NKX2-4: variants seen among roughly 807,000 people sequenced by gnomAD.
NKX2-4 encodes the protein homeobox protein Nkx-2.4.
NKX2-4 carries 6 observed loss-of-function variants against 8.6 expected under a neutral mutation model. The ratio of observed to expected loss-of-function variants is 0.70; its 90% CI spans 0.38 to 1.38. The LOEUF (loss-of-function observed/expected upper bound fraction) is 1.38, where lower values mean the gene tolerates loss of function less well. NKX2-4 is among the 40% of genes most tolerant of loss of function. The probability of loss-of-function intolerance (pLI) is 0.02; values close to 1 mark genes in which losing one functional copy is unlikely to be tolerated. For missense variants in NKX2-4, 601 were observed against 548.4 expected (o/e 1.10, Z -0.96); for synonymous variants, 299 against 272.6 (o/e 1.10, Z -0.95).
chr20:21,396,906 T>C (rs1423357897), intron 1 of NKX2-4, 52 bp downstream of exon 1: 13 of 1,306,574 alleles, frequency 9.9e-6, no homozygotes, highest in South Asian at 2.1e-5. Context: ...CCCTCGGCTG[T>C]GGCGGGAAAC....
rs1004304488 is a variant in NKX2-4 at position 21,397,130 on chromosome 20, G to GGCCGCC, written c.264_269dup (p.Ala90_Ala91dup). 3 of 1,283,556 alleles carry GGCCGCC rather than the reference G, an allele frequency of 2.3e-6. No individual in the cohort carries two copies. Among genetic ancestry groups the GGCCGCC allele is most frequent in the African/African-American group, 1.6e-5 (1 of 64,002 alleles). 79.5% of individuals were successfully genotyped at this position (1,283,556 alleles called of 1,614,324 possible). ...CGCCGGGCGGCATGTGGTAGGTGGC[G>GGCCGCC]GCCGCCGCCGCCGCAGCTGCTGCCG... On this transcript the variant is annotated inframe_insertion, in exon 1 of 2. Coordinates refer to ENST00000351817, the MANE Select transcript of NKX2-4 (RefSeq NM_033176.2).
chr20:21,396,978 G>A lies in NKX2-4; in HGVS notation c.422C>T (p.Pro141Leu). 1 of 1,476,512 alleles carries A rather than the reference G, an allele frequency of 6.8e-7. No individual in the cohort carries two copies. Among genetic ancestry groups the A allele is most frequent in the South Asian group, 1.3e-5 (1 of 78,524 alleles). 91.5% of individuals were successfully genotyped at this position (1,476,512 alleles called of 1,614,324 possible). Residue 141 changes from proline (P) to leucine (L), a missense_variant, in exon 1 of 2, where the codon CCG becomes CTG. Pro to Leu is a moderately conservative substitution (Grantham distance 98). Coordinates refer to ENST00000351817, the MANE Select transcript of NKX2-4 (RefSeq NM_033176.2). Reference sequence around the variant, plus strand: ...CTCACTTGACGAGTAGCGTGGGTCCGGGTTGGCGCCGTACCAGCCGGTGGC... The same window carrying A: ...CTCACTTGACGAGTAGCGTGGGTCCAGGTTGGCGCCGTACCAGCCGGTGGC... ...GAATGWYGANPDPRYSSISRF... is the reference protein window; with the variant it reads ...GAATGWYGANLDPRYSSISRF...
At position 21,397,432 on chromosome 20, in the gene NKX2-4, G is replaced by A. The variant is rs753254137; in HGVS notation, c.-33C>T. ...CGGGCAGCCAGGTAGGGGGGCCTGG[G>A]GCGCGCGCCGGCAGGACGCGGCGGC... is the stretch of plus-strand genomic sequence containing the variant. On this transcript the variant is annotated 5_prime_UTR_variant, in exon 1 of 2. Coordinates refer to ENST00000351817, the MANE Select transcript of NKX2-4 (RefSeq NM_033176.2). 7.7e-7 allele frequency: 1 copy of A among 1,296,136 alleles called. No individual in the cohort carries two copies. Among genetic ancestry groups the A allele is most frequent in the South Asian group, 2.5e-5 (1 of 40,440 alleles). The allele number at this position is 1,296,136 out of a possible 1,614,324, so 80.3% of individuals were successfully genotyped here. A position where few individuals can be genotyped will look rare whatever the true frequency, so the allele number is the denominator to read the frequency against.
In NKX2-4 at chr20:21,395,959, G is replaced by A. The variant is rs554235844; in HGVS notation, c.1017C>T (p.Tyr339=). The A allele has an allele frequency of 8.4e-5, 112 of 1,327,296 alleles. No homozygotes were observed. Among genetic ancestry groups the A allele is most frequent in the Admixed American group, 1.7e-4 (6 of 34,358 alleles). 82.2% of individuals were successfully genotyped at this position (1,327,296 alleles called of 1,614,324 possible). The part of the protein sequence containing the change: ...LAALDAAAGE[Y]SGGVLGANLL... ...GGTTGGCGCCCAGGACGCCGCCGCT[G>A]TACTCCCCGGCGGCCGCGTCCAGGG... Residue 339 remains tyrosine (Y), a synonymous_variant, in exon 2 of 2, where the codon TAC becomes TAT. Transcript: ENST00000351817.
chr20:21,396,550 A>T lies in NKX2-4; in HGVS notation c.443-17T>A. 1.0e-5 allele frequency: 14 copies of T among 1,389,108 alleles called. No individual in the cohort carries two copies. The highest frequency in any genetic ancestry group is 1.2e-5 in the Non-Finnish European group (13 of 1,082,714). 86.0% of individuals were successfully genotyped at this position (1,389,108 alleles called of 1,614,324 possible). A position where few individuals can be genotyped will look rare whatever the true frequency, so the allele number is the denominator to read the frequency against. On this transcript the variant is annotated splice_polypyrimidine_tract_variant and intron_variant, in intron 1 of 1. Coordinates refer to ENST00000351817, the MANE Select transcript of NKX2-4 (RefSeq NM_033176.2). ...ACCTGGAGACTGGGGAAGAGTCCCAAGGGGGAAGGCGAGTGAGCTCCAGGC... is the reference window on the plus strand; with the variant it reads ...ACCTGGAGACTGGGGAAGAGTCCCATGGGGGAAGGCGAGTGAGCTCCAGGC...
Position 21,396,997 on chromosome 20 carries a change from C to T in NKX2-4, c.403G>A (p.Gly135Ser), listed in dbSNP as rs2039031436. ...TDGMRGGAAT[G>S]WYGANPDPRY... ...GGGTCCGGGTTGGCGCCGTACCAGCCGGTGGCCGCGCCGCCCCGCATGCCG... is the reference window on the plus strand; with the variant it reads ...GGGTCCGGGTTGGCGCCGTACCAGCTGGTGGCCGCGCCGCCCCGCATGCCG... Residue 135 changes from glycine (G) to serine (S), a missense_variant, in exon 1 of 2, where the codon GGC becomes AGC. Gly to Ser is a moderately conservative substitution (Grantham distance 56). Coordinates refer to ENST00000351817, the MANE Select transcript of NKX2-4 (RefSeq NM_033176.2). The T allele has an allele frequency of 6.8e-7, 1 of 1,478,658 alleles. No homozygotes were observed. Among genetic ancestry groups the T allele is most frequent in the Non-Finnish European group, 8.9e-7 (1 of 1,118,668 alleles). 91.6% of individuals were successfully genotyped at this position (1,478,658 alleles called of 1,614,324 possible). A position where few individuals can be genotyped will look rare whatever the true frequency, so the allele number is the denominator to read the frequency against.
At position 21,396,340 on chromosome 20, in the gene NKX2-4, C is replaced by T; in HGVS notation, c.636G>A (p.Lys212=). 1 of 1,601,884 alleles carries T rather than the reference C, an allele frequency of 6.2e-7. No homozygotes were observed. The highest frequency in any genetic ancestry group is 8.5e-7 in the Non-Finnish European group (1 of 1,175,880). ...GCTCGCGCTCGGGCGCCGACAGGTACTTCTGCTGCTTGAAGCGCCGCTCCA... is the reference window on the plus strand; with the variant it reads ...GCTCGCGCTCGGGCGCCGACAGGTATTTCTGCTGCTTGAAGCGCCGCTCCA... The part of the protein sequence containing the change: ...YELERRFKQQ[K]YLSAPEREHL... The change falls in exon 2 of 2, where the codon AAG becomes AAA. Residue 212 remains lysine, a synonymous_variant. Transcript: ENST00000351817.
In NKX2-4 at chr20:21,397,070, G is replaced by A; in HGVS notation, c.330C>T (p.Tyr110=). 2.1e-6 allele frequency: 3 copies of A among 1,428,384 alleles called. No individual in the cohort carries two copies. Among genetic ancestry groups the A allele is most frequent in the Admixed American group, 2.5e-5 (1 of 40,052 alleles). 88.5% of individuals were successfully genotyped at this position (1,428,384 alleles called of 1,614,324 possible). A position where few individuals can be genotyped will look rare whatever the true frequency, so the allele number is the denominator to read the frequency against. ...SQFPHGAMGS[Y]CNGGLGNMGE... Reference sequence around the variant, plus strand: ...CCATGTTGCCCAGGCCGCCGTTGCAGTAGCTGCCCATGGCGCCGTGCGGGA... The same window carrying A: ...CCATGTTGCCCAGGCCGCCGTTGCAATAGCTGCCCATGGCGCCGTGCGGGA... The change falls in exon 1 of 2, where the codon TAC becomes TAT. Residue 110 remains tyrosine, a synonymous_variant. Coordinates refer to ENST00000351817, the MANE Select transcript of NKX2-4 (RefSeq NM_033176.2).
rs2039007510 is a variant in NKX2-4, at chr20:21,395,376, T to C, written c.*535A>G. 1 of 152,224 alleles carries C rather than the reference T, an allele frequency of 6.6e-6. No homozygotes were observed. The highest frequency in any genetic ancestry group is 2.1e-4 in the South Asian group (1 of 4,830). 9.4% of individuals were successfully genotyped at this position (152,224 alleles called of 1,614,324 possible). On this transcript the variant is annotated 3_prime_UTR_variant, in exon 2 of 2. Coordinates refer to ENST00000351817, the MANE Select transcript of NKX2-4 (RefSeq NM_033176.2). ...CCATATAATCAGTATTTTATTTTGA[T>C]TCCATTGCTCTATTACCTAAATGGC...
Position 21,397,247 on chromosome 20 carries a change from C to A in NKX2-4, c.153G>T (p.Pro51=). The A allele has an allele frequency of 1.6e-6, 2 of 1,237,322 alleles. No individual in the cohort carries two copies. The highest frequency in any genetic ancestry group is 3.5e-5 in the South Asian group (1 of 28,744). The allele number at this position is 1,237,322 out of a possible 1,614,324, so 76.6% of individuals were successfully genotyped here. A position where few individuals can be genotyped will look rare whatever the true frequency, so the allele number is the denominator to read the frequency against. Residue 51 remains proline (P), a synonymous_variant, in exon 1 of 2, where the codon CCG becomes CCT. Coordinates refer to ENST00000351817, the MANE Select transcript of NKX2-4 (RefSeq NM_033176.2). ...PLGAAAAYRA[P]PPGPSSQAAT... Reference sequence around the variant, plus strand: ...CCGCCTGCGAGGAGGGCCCAGGTGGCGGCGCGCGGTAGGCGGCCGCGGCCC... The same window carrying A: ...CCGCCTGCGAGGAGGGCCCAGGTGGAGGCGCGCGGTAGGCGGCCGCGGCCC...
Position 21,396,155 on chromosome 20 carries a change from C to A in NKX2-4, c.821G>T (p.Arg274Leu), listed in dbSNP as rs756919817. 79 of 1,472,888 alleles carry A rather than the reference C, an allele frequency of 5.4e-5. No individual in the cohort carries two copies. In the Admixed American group the frequency reaches 1.5e-3, roughly 27 times the overall value. 91.2% of individuals were successfully genotyped at this position (1,472,888 alleles called of 1,614,324 possible). ...CTTGACCAGCACAGGCACCGCCACG[C>A]GGCGCGGGGACGGCGGCGGAGGCGG... is the stretch of plus-strand genomic sequence containing the variant. ...PPPPPPPSPR[R>L]VAVPVLVKDG... Residue 274 changes from arginine to leucine, a missense_variant, in exon 2 of 2, where the codon CGC becomes CTC. By Grantham distance (102) the Arg-to-Leu change is moderately radical (BLOSUM62 -2). Transcript: ENST00000351817.
Position 21,397,321 on chromosome 20 carries a change from A to G in NKX2-4, c.79T>C (p.Phe27Leu). The change falls in exon 1 of 2, where the codon TTC becomes CTC. Residue 27 changes from phenylalanine (F) to leucine (L), a missense_variant. Physicochemically the swap from Phe to Leu is conservative, Grantham distance 22. Coordinates refer to ENST00000351817, the MANE Select transcript of NKX2-4 (RefSeq NM_033176.2). ...GGCGCGCCGTCCATGGCGCCGCTGA[A>G]CTTCTTGTAGGTCTCCTCGATGGGG... ...LSPIEETYKK[F>L]SGAMDGAPPG... 1 of 1,397,396 alleles carries G rather than the reference A, an allele frequency of 7.2e-7. No individual in the cohort carries two copies. The highest frequency in any genetic ancestry group is 9.3e-7 in the Non-Finnish European group (1 of 1,074,882). The allele number at this position is 1,397,396 out of a possible 1,614,324, so 86.6% of individuals were successfully genotyped here.
At chr20:21,396,878 C>G in intron 1 of NKX2-4, 80 bp downstream of exon 1, 5 of 1,203,710 alleles carry the variant, frequency 4.2e-6, no homozygotes, top group Non-Finnish European at 5.3e-6. Context: ...GCGCGCACCC[C>G]GTCCCGCGCC....
Position 21,395,880 on chromosome 20 carries a change from A to G in NKX2-4, c.*31T>C, listed in dbSNP as rs777550836. ...AGTTTCTTGCAGACCCTTCGGGTGCACCAGGACCTAGCCCCGGGGCGCCCT... is the reference window on the plus strand; with the variant it reads ...AGTTTCTTGCAGACCCTTCGGGTGCGCCAGGACCTAGCCCCGGGGCGCCCT... On this transcript the variant is annotated 3_prime_UTR_variant, in exon 2 of 2. Transcript: ENST00000351817. 2 of 1,304,424 alleles carry G rather than the reference A, an allele frequency of 1.5e-6. No individual in the cohort carries two copies. Among genetic ancestry groups the G allele is most frequent in the Admixed American group, 6.1e-5 (2 of 32,664 alleles). The allele number at this position is 1,304,424 out of a possible 1,614,324, so 80.8% of individuals were successfully genotyped here.
In NKX2-4 at chr20:21,397,094, G is replaced by A. The variant is rs752938052; in HGVS notation, c.306C>T (p.Phe102=). 1.4e-5 allele frequency: 20 copies of A among 1,389,054 alleles called. No homozygotes were observed. Among genetic ancestry groups the A allele is most frequent in the South Asian group, 6.3e-5 (4 of 63,708 alleles). The allele number at this position is 1,389,054 out of a possible 1,614,324, so 86.0% of individuals were successfully genotyped here. A position where few individuals can be genotyped will look rare whatever the true frequency, so the allele number is the denominator to read the frequency against. The change falls in exon 1 of 2, where the codon TTC becomes TTT. Residue 102 remains phenylalanine, a synonymous_variant. Coordinates refer to ENST00000351817, the MANE Select transcript of NKX2-4 (RefSeq NM_033176.2). ...TYHMPPGVSQ[F]PHGAMGSYCN... is the part of the protein sequence containing the mutation. ...AGTAGCTGCCCATGGCGCCGTGCGG[G>A]AACTGCGAGACGCCGGGCGGCATGT... is the stretch of plus-strand genomic sequence containing the variant.
Position 21,396,175 on chromosome 20 carries a change from A to AGGCGGC in NKX2-4, c.795_800dup (p.Pro269_Pro270dup), listed in dbSNP as rs752830472. The AGGCGGC allele has an allele frequency of 3.3e-6, 5 of 1,499,868 alleles. No individual in the cohort carries two copies. Among genetic ancestry groups the AGGCGGC allele is most frequent in the Non-Finnish European group, 1.8e-6 (2 of 1,128,912 alleles). 92.9% of individuals were successfully genotyped at this position (1,499,868 alleles called of 1,614,324 possible). On this transcript the variant is annotated inframe_insertion, in exon 2 of 2. Transcript: ENST00000351817. ...CCACGCGGCGCGGGGACGGCGGCGG[A>AGGCGGC]GGCGGCGGCGGGCCCAGGCCGCCCT...
rs2039033674 is a variant in NKX2-4, at chr20:21,397,133, C to G, written c.267G>C (p.Ala89=). 3 of 1,273,844 alleles carry G rather than the reference C, an allele frequency of 2.4e-6. No homozygotes were observed. Among genetic ancestry groups the G allele is most frequent in the Non-Finnish European group, 9.8e-7 (1 of 1,015,918 alleles). The allele number at this position is 1,273,844 out of a possible 1,614,324, so 78.9% of individuals were successfully genotyped here. A position where few individuals can be genotyped will look rare whatever the true frequency, so the allele number is the denominator to read the frequency against. ...AAAAAAAAAA[A]AATYHMPPGV... ...CGGGCGGCATGTGGTAGGTGGCGGC[C>G]GCCGCCGCCGCAGCTGCTGCCGCCG... Residue 89 remains alanine, a synonymous_variant, in exon 1 of 2, where the codon GCG becomes GCC. Transcript: ENST00000351817.
rs1427421352 is a variant in NKX2-4, at chr20:21,397,160, CGCCGCG to C, written c.234_239del (p.Ala90_Ala91del). On this transcript the variant is annotated inframe_deletion, in exon 1 of 2. Coordinates refer to ENST00000351817, the MANE Select transcript of NKX2-4 (RefSeq NM_033176.2). ...CCGCCGCCGCAGCTGCTGCCGCCGC[CGCCGCG>C]GCCGCCGCGTTGTGACCCGCCATGG... is the stretch of plus-strand genomic sequence containing the variant. The C allele has an allele frequency of 8.7e-6, 11 of 1,262,538 alleles. No individual in the cohort carries two copies. The highest frequency in any genetic ancestry group is 6.7e-5 in the East Asian group (2 of 29,834). 78.2% of individuals were successfully genotyped at this position (1,262,538 alleles called of 1,614,324 possible).
chr20:21,395,688 C>A lies in NKX2-4; in HGVS notation c.*223G>T, dbSNP rs2039009314. On this transcript the variant is annotated 3_prime_UTR_variant, in exon 2 of 2. Transcript: ENST00000351817. ...AACTTCTAGGAGGAGAAAATCACCA[C>A]CTCAAAGCCTCGTGGCATAATGTTA... 2.8e-6 allele frequency: 1 copy of A among 359,130 alleles called. No individual in the cohort carries two copies. Among genetic ancestry groups the A allele is most frequent in the East Asian group, 4.2e-5 (1 of 23,932 alleles). 22.2% of individuals were successfully genotyped at this position (359,130 alleles called of 1,614,324 possible).
Sources: gnomAD v4.1 joint callset for allele counts on GRCh38, gnomAD v4.1.1 for gene constraint, MANE v1.5 for transcripts, NCBI Gene and HGNC (gene_info 2026-07-23, HGNC 2026-07-21) for gene names.